The following EPHA6 variants were observed in gnomAD, a reference collection of about 807,000 sequenced individuals.
EPHA6 encodes the protein ephrin type-A receptor 6.
In EPHA6, 50 loss-of-function variants were observed where a neutral mutation model predicts 112.0. The ratio of observed to expected loss-of-function variants is 0.45; its 90% CI spans 0.36 to 0.56. The LOEUF (loss-of-function observed/expected upper bound fraction) is 0.56. Ranked by LOEUF, EPHA6 falls within the 20% of genes least tolerant of loss-of-function variation. The probability of loss-of-function intolerance (pLI) is 0.00; values close to 1 mark genes in which losing one functional copy is unlikely to be tolerated. For synonymous variants in EPHA6, 529 were observed against 490.7 expected (o/e 1.08, Z -1.03); for missense variants, 1,280 against 1,417.4 (o/e 0.90, Z 1.56).
intron 3 of EPHA6, among the ~76,000 whole-genome samples, chr3:97,041,566 G>C (rs1410042341): frequency 6.6e-6 from 1 of 152,062 alleles, no homozygotes; most frequent in African/African-American, 2.4e-5. Context: ...CCAGATGTTT[G>C]CCTTTTTAAT....
chr3:97,424,641 T>C (rs1228086104), intron 6 of EPHA6, among the ~76,000 whole-genome samples: 1 of 151,576 alleles, frequency 6.6e-6, no homozygotes, highest in East Asian at 1.9e-4. Flanking sequence ...CCATCTCTAC[T>C]AAAAATACAA....
intron 5 of EPHA6, among the ~76,000 whole-genome samples, chr3:97,316,279 AAAT>A (rs2081831960): frequency 1.3e-5 from 2 of 151,852 alleles, no homozygotes; most frequent in Non-Finnish European, 2.9e-5. Context: ...GCTGAAGAAA[AAAT>A]AATAATATTG....
chr3:96,846,727 T>G (rs533849286), intron 1 of EPHA6, among the ~76,000 whole-genome samples: 1 of 152,142 alleles, frequency 6.6e-6, no homozygotes, highest in South Asian at 2.1e-4. Context: ...ATTTACTGGG[T>G]GTATTTACTA....
At chr3:97,173,611 T>C (rs949501617) in intron 3 of EPHA6, among the ~76,000 whole-genome samples, 4 of 152,004 alleles carry the variant, frequency 2.6e-5, no homozygotes, top group African/African-American at 9.6e-5. Flanking sequence ...TGTACTTACC[T>C]TTATGAAATA....
At chr3:96,892,154 A>G (rs2037999041) in intron 2 of EPHA6, among the ~76,000 whole-genome samples, 1 of 152,218 alleles carries the variant, frequency 6.6e-6, no homozygotes, top group Admixed American at 6.5e-5. Context: ...ACCACATCAT[A>G]GGAGGCAGAG....
At chr3:97,423,207 A>C (rs1009322067) in intron 6 of EPHA6, among the ~76,000 whole-genome samples, 8 of 152,170 alleles carry the variant, frequency 5.3e-5, no homozygotes, top group East Asian at 1.9e-4. Flanking sequence ...AGAGAGGAAG[A>C]AAAACTATCT....
chr3:96,994,093 ATC>A (rs2043315149), intron 3 of EPHA6: 3 of 217,348 alleles, frequency 1.4e-5, no homozygotes, highest in African/African-American at 6.8e-5. Flanking sequence ...GCTTACCTGT[ATC>A]CAAATTCTAG....
rs1228855552 is a variant in EPHA6 at position 97,592,674 on chromosome 3, A to C, written c.2449A>C (p.Asn817His). The C allele has an allele frequency of 6.2e-7, 1 of 1,613,170 alleles. No homozygotes were observed. Among genetic ancestry groups the C allele is most frequent in the Non-Finnish European group, 8.5e-7 (1 of 1,179,646 alleles). ...CAGCTTCCTGAGGGCAGGGTTTTTA[A>C]ATAGCATCCAGGCCCCGCATCCAGT... ...CPSFLRAGFL[N>H]SIQAPHPVPG... Residue 817 changes from asparagine to histidine, a missense_variant, in exon 12 of 18, where the codon AAT (asparagine) becomes CAT (histidine). This residue lies in a region of EPHA6 where 878 missense variants were observed against 999.7 expected (regional missense o/e 0.88). Coordinates refer to ENST00000389672, the MANE Select transcript of EPHA6 (RefSeq NM_001080448.3).
chr3:97,429,297 T>C (rs1007269385), intron 6 of EPHA6, among the ~76,000 whole-genome samples: 5 of 152,230 alleles, frequency 3.3e-5, no homozygotes, highest in African/African-American at 1.2e-4. Context: ...TGCATGTATC[T>C]TTTTTTCCTT....
chr3:97,584,077 T>A (rs2093466464), intron 11 of EPHA6, among the ~76,000 whole-genome samples: 1 of 151,824 alleles, frequency 6.6e-6, no homozygotes, highest in South Asian at 2.1e-4. Flanking sequence ...TTATATATAT[T>A]TTTGATGCTA....
rs566537011 is a variant in EPHA6, at chr3:96,876,304, A to T, written c.450+9415A>T. Among the ~76,000 whole-genome samples the T allele has an allele frequency of 7.9e-5, 12 of 151,832 alleles. No homozygotes were observed. The South Asian group carries it at 2.3e-3, about 29-fold the overall frequency. On this transcript the variant is annotated intron_variant, in intron 2 of 17. Transcript: ENST00000389672. ...AATTTACTCTTATTTTCTACAGACA[A>T]CTACCAAATCCTATTGATTCAACCT...
chr3:97,031,539 C>A (rs1366545574), intron 3 of EPHA6, among the ~76,000 whole-genome samples: 1 of 151,942 alleles, frequency 6.6e-6, no homozygotes, highest in Non-Finnish European at 1.5e-5. Context: ...ATTTTTGCAA[C>A]CTACTCATCT....
chr3:97,508,337 TGTACTAGAGATTCTG>T (rs1290469258), intron 10 of EPHA6, among the ~76,000 whole-genome samples: 9 of 152,196 alleles, frequency 5.9e-5, no homozygotes, highest in Admixed American at 1.3e-4. Flanking sequence ...GCTTTAGCTG[TGTACTAGAGATTCTG>T]GTACATTGTG....
chr3:97,424,409 A>C (rs112617449), intron 6 of EPHA6, among the ~76,000 whole-genome samples: 4,235 of 152,222 alleles, frequency 0.028, 186 homozygotes, highest in African/African-American at 0.094. Context: ...AGTCCCCCAA[A>C]TCTTAACTCA....
intron 10 of EPHA6, among the ~76,000 whole-genome samples, chr3:97,490,670 C>T (rs1396690476): frequency 3.9e-5 from 6 of 152,122 alleles, no homozygotes; most frequent in South Asian, 2.1e-4. Flanking sequence ...ACCCACATAT[C>T]GACAGCAACA....
rs375613825 is a variant in EPHA6, at chr3:97,712,884, AGAG to A, written c.2785-7367_2785-7365del. ...GTAGTTCTAAGTATTGCAAATGAGG[AGAG>A]GAGGAGGAGAGTCTTTCCATAGTTA... On this transcript the variant is annotated intron_variant, in intron 14 of 17. Coordinates refer to ENST00000389672, the MANE Select transcript of EPHA6 (RefSeq NM_001080448.3). Among the ~76,000 whole-genome samples the A allele has an allele frequency of 1.7e-4, 26 of 152,272 alleles. No homozygotes were observed. In the South Asian group the frequency reaches 2.7e-3, roughly 16 times the overall value.
intron 11 of EPHA6, among the ~76,000 whole-genome samples, chr3:97,576,646 T>C (rs556779123): frequency 6.6e-6 from 1 of 152,336 alleles, no homozygotes; most frequent in Non-Finnish European, 1.5e-5. Context: ...ATTTAATCTA[T>C]AGACTTTGTT....
chr3:97,415,498 A>T (rs1011984754), intron 6 of EPHA6, among the ~76,000 whole-genome samples: 1 of 152,096 alleles, frequency 6.6e-6, no homozygotes, highest in African/African-American at 2.4e-5. Flanking sequence ...CCCAGGCAAG[A>T]TACATGTTGA....
At chr3:97,345,954 A>T (rs1205470838) in intron 5 of EPHA6, among the ~76,000 whole-genome samples, 1 of 152,084 alleles carries the variant, frequency 6.6e-6, no homozygotes, top group Non-Finnish European at 1.5e-5. Flanking sequence ...CTTTTTCAAG[A>T]CTATCTTGAA....
Sources: allele counts gnomAD v4.1 joint callset (sites outside exome capture counted in the v4.1 genomes callset), GRCh38; gene constraint gnomAD v4.1.1; regional missense constraint gnomAD v4.1.1; transcripts MANE v1.5; gene names NCBI Gene and HGNC (gene_info 2026-07-23, HGNC 2026-07-21).